CSMD1: variants seen among roughly 807,000 people sequenced by gnomAD.
The protein encoded by CSMD1 is CUB and Sushi multiple domains 1.
A neutral mutation model predicts 417.5 loss-of-function variants in CSMD1; 213 were observed. That is an observed-to-expected ratio of 0.51 (90% CI 0.46 to 0.57). The LOEUF (loss-of-function observed/expected upper bound fraction) is 0.57. Ranked by LOEUF, CSMD1 falls within the 20% of genes least tolerant of loss-of-function variation. The pLI is 0.00. For missense variants in CSMD1, 6,923 were observed against 4,529.7 expected (o/e 1.53, Z -15.17); for synonymous variants, 2,862 against 1,736.8 (o/e 1.65, Z -16.11).
intron 52 of CSMD1, among the ~76,000 whole-genome samples, chr8:3,009,076 T>C (rs1425848939): frequency 6.6e-6 from 1 of 152,318 alleles, no homozygotes; most frequent in East Asian, 1.9e-4. Flanking sequence ...ATGTCTCCCA[T>C]GACAGCGGAC....
chr8:4,906,110 T>C (rs534567773), intron 1 of CSMD1, among the ~76,000 whole-genome samples: 10 of 152,294 alleles, frequency 6.6e-5, no homozygotes, highest in African/African-American at 2.2e-4. Context: ...TATCCTTGTA[T>C]GATATATGGT....
intron 1 of CSMD1, among the ~76,000 whole-genome samples, chr8:4,872,220 T>C (rs1483318698): frequency 6.6e-6 from 1 of 152,032 alleles, no homozygotes; most frequent in Non-Finnish European, 1.5e-5. Context: ...GGCCTTGGAG[T>C]TGGGACGACA....
At chr8:4,091,800 T>C (rs975846222) in intron 3 of CSMD1, among the ~76,000 whole-genome samples, 3 of 152,182 alleles carry the variant, frequency 2.0e-5, no homozygotes, top group South Asian at 2.1e-4. Flanking sequence ...GTTGGTAAAA[T>C]ACTGGAAGAG....
intron 10 of CSMD1, among the ~76,000 whole-genome samples, chr8:3,494,981 G>A (rs1796306432): frequency 1.3e-5 from 2 of 152,238 alleles, no homozygotes; most frequent in African/African-American, 4.8e-5. Context: ...GCTTTTCCAA[G>A]CAATGCCAAA....
intron 3 of CSMD1, among the ~76,000 whole-genome samples, chr8:4,119,119 T>C (rs572671698): frequency 1.3e-5 from 2 of 151,982 alleles, no homozygotes; most frequent in African/African-American, 4.8e-5. Context: ...AGGGAGATCA[T>C]TAGGGAACGT....
intron 6 of CSMD1, among the ~76,000 whole-genome samples, chr8:3,725,584 G>C (rs890678368): frequency 6.6e-6 from 1 of 152,112 alleles, no homozygotes; most frequent in Non-Finnish European, 1.5e-5. Flanking sequence ...TGAGGAGAGA[G>C]GAAGCCTGAT....
At chr8:3,856,197 C>A (rs1804298913) in intron 5 of CSMD1, among the ~76,000 whole-genome samples, 1 of 151,946 alleles carries the variant, frequency 6.6e-6, no homozygotes, top group Admixed American at 6.6e-5. Context: ...CAGTGCTGTT[C>A]TCATGATAGA....
intron 7 of CSMD1, among the ~76,000 whole-genome samples, chr8:3,637,008 T>G (rs537809187): frequency 6.6e-6 from 1 of 152,262 alleles, no homozygotes; most frequent in African/African-American, 2.4e-5. Context: ...TTGTTGCCCA[T>G]CTGCCTTCCA....
chr8:3,634,573 AG>A (rs1796940276), intron 7 of CSMD1, among the ~76,000 whole-genome samples: 1 of 152,144 alleles, frequency 6.6e-6, no homozygotes, highest in African/African-American at 2.4e-5. Flanking sequence ...CACTGTCACA[AG>A]CCATAGCCAT....
intron 49 of CSMD1, among the ~76,000 whole-genome samples, chr8:3,077,209 A>G (rs1453821167): frequency 6.6e-6 from 1 of 151,214 alleles, no homozygotes; most frequent in East Asian, 1.9e-4. Context: ...TTGCAAGGTG[A>G]GAACCATTGG....
chr8:4,226,376 C>T (rs966979509), intron 3 of CSMD1, among the ~76,000 whole-genome samples: 1 of 152,154 alleles, frequency 6.6e-6, no homozygotes, highest in Non-Finnish European at 1.5e-5. Flanking sequence ...TTTGCATATA[C>T]AATTACAACC....
chr8:4,842,207 G>T (rs1034478868), intron 1 of CSMD1, among the ~76,000 whole-genome samples: 1 of 152,190 alleles, frequency 6.6e-6, no homozygotes, highest in Non-Finnish European at 1.5e-5. Context: ...GTAAACAGGT[G>T]AATTGAGTGT....
At chr8:3,408,812 T>G (rs1812509464) in intron 13 of CSMD1, among the ~76,000 whole-genome samples, 1 of 152,068 alleles carries the variant, frequency 6.6e-6, no homozygotes, top group Admixed American at 6.6e-5. Flanking sequence ...TATAAATAAT[T>G]TTTTGGAGGG....
At chr8:4,227,232 A>T (rs1801414427) in intron 3 of CSMD1, among the ~76,000 whole-genome samples, 2 of 152,122 alleles carry the variant, frequency 1.3e-5, no homozygotes, top group African/African-American at 2.4e-5. Context: ...CCCGATGAGA[A>T]TCATTAACCT....
intron 1 of CSMD1, among the ~76,000 whole-genome samples, chr8:4,678,622 T>G (rs7816766): frequency 1.3e-5 from 2 of 151,848 alleles, no homozygotes; most frequent in African/African-American, 4.8e-5. Flanking sequence ...TTTACATTAC[T>G]ACTAAAAACA....
chr8:4,362,833 T>C (rs955983355), intron 3 of CSMD1, among the ~76,000 whole-genome samples: 1 of 152,254 alleles, frequency 6.6e-6, no homozygotes, highest in African/African-American at 2.4e-5. Context: ...TATGGGATAG[T>C]TGTTCCCCAT....
intron 5 of CSMD1, among the ~76,000 whole-genome samples, chr8:3,766,154 T>C (rs1798257348): frequency 6.6e-6 from 1 of 152,116 alleles, no homozygotes; most frequent in African/African-American, 2.4e-5. Flanking sequence ...TCTCTGTGGG[T>C]GTGTACTTTG....
intron 1 of CSMD1, among the ~76,000 whole-genome samples, chr8:4,694,119 C>T (rs1388294230): frequency 6.6e-6 from 1 of 152,176 alleles, no homozygotes; most frequent in South Asian, 2.1e-4. Flanking sequence ...TACGTACCTC[C>T]CTCACGATTT....
chr8:3,393,954 G>A (rs1334057013), intron 17 of CSMD1, among the ~76,000 whole-genome samples: 65 of 134,720 alleles, frequency 4.8e-4, no homozygotes, highest in African/African-American at 1.7e-3. Flanking sequence ...AAACCTGCAC[G>A]TTGTGCACAT....
Sources: gnomAD v4.1 joint callset for allele counts (sites outside exome capture counted in the v4.1 genomes callset) on GRCh38, gnomAD v4.1.1 for gene constraint, MANE v1.5 for transcripts, NCBI Gene and HGNC (gene_info 2026-07-23, HGNC 2026-07-21) for gene names.